Variants in YES1 observed in about 807,000 individuals in gnomAD.
YES1 encodes YES proto-oncogene 1, Src family tyrosine kinase, also known as tyrosine-protein kinase Yes.
In YES1, 39 loss-of-function variants were observed where a neutral mutation model predicts 70.4. The ratio of observed to expected loss-of-function variants is 0.55; its 90% CI spans 0.43 to 0.72. The LOEUF (loss-of-function observed/expected upper bound fraction) is 0.72. Among genes scored for constraint, YES1 ranks in the 30% least tolerant of loss-of-function variants. The probability of loss-of-function intolerance (pLI) is 0.00; values close to 1 mark genes in which losing one functional copy is unlikely to be tolerated. For missense variants in YES1, 495 were observed against 644.8 expected (o/e 0.77, Z 2.52); for synonymous variants, 198 against 218.6 (o/e 0.91, Z 0.83).
Position 743,302 on chromosome 18 carries a change from C to T in YES1, c.838G>A (p.Glu280Lys). Residue 280 changes from glutamate to lysine, a missense_variant, in exon 7 of 12, where the codon GAG becomes AAG. Physicochemically the swap from Glu to Lys is moderately conservative, Grantham distance 56. Coordinates refer to ENST00000314574, the MANE Select transcript of YES1 (RefSeq NM_005433.4). ...WEIPRESLRLEVKLGQGCFGE... is the reference protein window; with the variant it reads ...WEIPRESLRLKVKLGQGCFGE... ...AAACATCCTTGTCCTAGTTTAACCT[C>T]TAGTCGCAAAGATTCTCGAGGGATT... 3.7e-6 allele frequency: 6 copies of T among 1,612,290 alleles called. No individual in the cohort carries two copies. The highest frequency in any genetic ancestry group is 5.1e-6 in the Non-Finnish European group (6 of 1,179,996).
intron 1 of YES1, among the ~76,000 whole-genome samples, chr18:804,190 A>G (rs1906966494): frequency 6.6e-6 from 1 of 152,250 alleles, no homozygotes; most frequent in Non-Finnish European, 1.5e-5. Context: ...AATTTTGATG[A>G]TAGTGGCTAT....
At chr18:733,062 T>A in intron 10 of YES1, 97 bp from the exon 11 acceptor site, 1 of 1,207,316 alleles carries the variant, frequency 8.3e-7, no homozygotes, top group Non-Finnish European at 1.2e-6. Context: ...ATATCTCTAC[T>A]GTAGTCATCA....
At chr18:783,667 A>G (rs914755331) in intron 1 of YES1, among the ~76,000 whole-genome samples, 2 of 148,426 alleles carry the variant, frequency 1.3e-5, no homozygotes, top group East Asian at 4.0e-4. Context: ...CCCAGGCTGG[A>G]GTGCAATGGT....
At chr18:731,966 C>CAAAA (rs1165333694) in intron 11 of YES1, among the ~76,000 whole-genome samples, 95 of 79,886 alleles carry the variant, frequency 1.2e-3, no homozygotes, top group East Asian at 4.4e-3. Context: ...GACTCCATTT[C>CAAAA]AAAAAAAAAA....
chr18:801,202 G>A (rs915743325), intron 1 of YES1, among the ~76,000 whole-genome samples: 3 of 152,046 alleles, frequency 2.0e-5, no homozygotes, highest in Admixed American at 6.6e-5. Context: ...GCATAGTGGT[G>A]CACACCTGTG....
intron 11 of YES1, among the ~76,000 whole-genome samples, chr18:726,781 C>CAAAAAAAAAAAAAAAA (rs58322434): frequency 1.3e-4 from 6 of 47,250 alleles, no homozygotes; most frequent in African/African-American, 4.4e-4. Context: ...ACTCTTGTCT[C>CAAAAAAAAAAAAAAAA]AAAAAAAAAA....
intron 1 of YES1, among the ~76,000 whole-genome samples, chr18:773,845 T>G (rs2145783662): frequency 6.6e-6 from 1 of 152,270 alleles, no homozygotes; most frequent in Admixed American, 6.5e-5. Context: ...TCCCTTTTTT[T>G]TTTTGAGACG....
intron 1 of YES1, among the ~76,000 whole-genome samples, chr18:810,213 G>A (rs1487864262): frequency 6.6e-6 from 1 of 152,082 alleles, no homozygotes; most frequent in Non-Finnish European, 1.5e-5. Context: ...GAATAAGTAA[G>A]TCTTACACCA....
intron 11 of YES1, among the ~76,000 whole-genome samples, chr18:729,964 T>C (rs73370137): frequency 3.5e-4 from 54 of 152,316 alleles, no homozygotes; most frequent in African/African-American, 1.3e-3. Context: ...TCTTCCCTTC[T>C]TCATATATCT....
intron 2 of YES1, among the ~76,000 whole-genome samples, chr18:754,939 TACAC>T (rs537120602): frequency 3.8e-4 from 58 of 152,288 alleles, no homozygotes; most frequent in African/African-American, 1.3e-3. Flanking sequence ...CCATACCTGA[TACAC>T]AGACACTGAG....
At chr18:735,411 T>C (rs746858112) in intron 10 of YES1, among the ~76,000 whole-genome samples, 2 of 151,240 alleles carry the variant, frequency 1.3e-5, no homozygotes, top group African/African-American at 2.4e-5. Context: ...AACCAAATAT[T>C]GTATGGTCTC....
intron 9 of YES1, chr18:738,230 A>T (rs900953581): frequency 1.3e-5 from 2 of 152,194 alleles, no homozygotes; most frequent in South Asian, 2.1e-4. Flanking sequence ...CAAAACCAGC[A>T]TGTCAACCAA....
At chr18:781,811 T>C (rs1035758617) in intron 1 of YES1, among the ~76,000 whole-genome samples, 2 of 152,294 alleles carry the variant, frequency 1.3e-5, no homozygotes, top group South Asian at 2.1e-4. Context: ...TTGTAAGAAT[T>C]AACTGATATC....
chr18:794,621 C>T (rs1165019001), intron 1 of YES1, among the ~76,000 whole-genome samples: 1 of 152,046 alleles, frequency 6.6e-6, no homozygotes, highest in Non-Finnish European at 1.5e-5. Context: ...GCAGGATGTC[C>T]AAAATTCAAG....
At chr18:771,268 G>A (rs1464400202) in intron 1 of YES1, among the ~76,000 whole-genome samples, 1 of 152,002 alleles carries the variant, frequency 6.6e-6, no homozygotes, top group East Asian at 1.9e-4. Flanking sequence ...CTGGGAAGCT[G>A]AGGCATGAGA....
chr18:785,474 G>A (rs902110068), intron 1 of YES1, among the ~76,000 whole-genome samples: 1 of 152,158 alleles, frequency 6.6e-6, no homozygotes, highest in Non-Finnish European at 1.5e-5. Flanking sequence ...GTTCTAAGTA[G>A]CTGGAAGGAG....
intron 1 of YES1, among the ~76,000 whole-genome samples, chr18:790,443 C>T (rs1200934887): frequency 1.3e-5 from 2 of 152,156 alleles, no homozygotes; most frequent in African/African-American, 4.8e-5. Context: ...TTCTGTTTCT[C>T]GTTTCTAATT....
intron 8 of YES1, among the ~76,000 whole-genome samples, chr18:742,295 A>C (rs546018297): frequency 6.6e-6 from 1 of 151,974 alleles, no homozygotes; most frequent in East Asian, 1.9e-4. Flanking sequence ...TGTGGTCTAG[A>C]GTTAAGGAAA....
rs573081571 is a variant in YES1 at position 768,222 on chromosome 18, C to T, written c.-8-11387G>A. 1.6e-4 allele frequency among the ~76,000 whole-genome samples: 24 copies of T among 152,256 alleles called. No individual in the cohort carries two copies. The East Asian group carries it at 4.4e-3, about 28-fold the overall frequency. ...CAGGCAGTTGGCTTGCTAAGACCTGCCAAACCATGCATGAGGGTCTTTGCA... is the reference window on the plus strand; with the variant it reads ...CAGGCAGTTGGCTTGCTAAGACCTGTCAAACCATGCATGAGGGTCTTTGCA... On this transcript the variant is annotated intron_variant, in intron 1 of 11. Coordinates refer to ENST00000314574, the MANE Select transcript of YES1 (RefSeq NM_005433.4).
Sources: gnomAD v4.1 joint callset for allele counts (sites outside exome capture counted in the v4.1 genomes callset) on GRCh38, gnomAD v4.1.1 for gene constraint, MANE v1.5 for transcripts, NCBI Gene and HGNC (gene_info 2026-07-23, HGNC 2026-07-21) for gene names.